Variants in ADPRHL1 observed in about 807,000 individuals in gnomAD.
ADPRHL1 encodes the protein ADP-ribosylhydrolase like 1.
Under a neutral mutation model 44.1 loss-of-function variants are expected in ADPRHL1, and 43 were observed. The observed-to-expected ratio is 0.98, with a 90% CI of 0.76 to 1.26. The LOEUF (loss-of-function observed/expected upper bound fraction) is 1.26, where lower values mean the gene tolerates loss of function less well. Ranked by LOEUF, ADPRHL1 falls within the 50% of genes most tolerant of loss-of-function variation. The pLI, the probability that ADPRHL1 is intolerant of heterozygous loss-of-function variation, is 0.00. For synonymous variants in ADPRHL1, 878 were observed against 1,017.4 expected (o/e 0.86, Z 2.61); for missense variants, 2,022 against 2,496.9 (o/e 0.81, Z 4.05).
chr13:113,420,438 T>C (rs919129011), intron 7 of ADPRHL1, among the ~76,000 whole-genome samples: 2 of 152,140 alleles, frequency 1.3e-5, no homozygotes, highest in Non-Finnish European at 2.9e-5. Flanking sequence ...TTCTCTTCCA[T>C]ACAGCAGGGT....
intron 2 of ADPRHL1, among the ~76,000 whole-genome samples, chr13:113,435,471 G>A (rs2044046683): frequency 9.1e-6 from 1 of 110,020 alleles, no homozygotes; most frequent in Non-Finnish European, 1.8e-5. Context: ...GTGTACCCCG[G>A]GACCCGGCAC....
rs1002986741 is a variant in ADPRHL1, at chr13:113,441,518, C to T, written c.379+2907G>A. On this transcript the variant is annotated intron_variant, in intron 2 of 7. Transcript: ENST00000612156. This position sits in a 1 kb window ranked among gnomAD's most constrained non-coding sequence, Gnocchi z 6.0. Reference sequence around the variant, plus strand: ...CACGGTGTGGGAACCTCACCGTCATCGGCTTCCATCTCTCCCCTGCTAGCC... The same window carrying T: ...CACGGTGTGGGAACCTCACCGTCATTGGCTTCCATCTCTCCCCTGCTAGCC... Among the ~76,000 whole-genome samples the T allele has an allele frequency of 2.6e-5, 4 of 152,154 alleles. No individual in the cohort carries two copies. Among genetic ancestry groups the T allele is most frequent in the African/African-American group, 9.7e-5 (4 of 41,424 alleles).
intron 7 of ADPRHL1, among the ~76,000 whole-genome samples, chr13:113,408,897 GATGGGGCTACTGAAA>G (rs2043829697): frequency 6.6e-6 from 1 of 150,866 alleles, no homozygotes; most frequent in Admixed American, 6.6e-5. Context: ...AGGAGGGAAA[GATGGGGCTACTGAAA>G]GGAGGGGAGG....
intron 7 of ADPRHL1, among the ~76,000 whole-genome samples, chr13:113,421,596 G>A (rs896634374): frequency 5.3e-5 from 8 of 152,176 alleles, no homozygotes; most frequent in Non-Finnish European, 8.8e-5. Context: ...GGGCTGGCCC[G>A]GGAAGCCTGG....
chr13:113,422,226 G>C (rs1741952785), intron 7 of ADPRHL1: 1 of 152,200 alleles, frequency 6.6e-6, no homozygotes, highest in South Asian at 2.1e-4. Context: ...TTTCAAAAAG[G>C]GATTGATCTT....
chr13:113,414,892 T>A (rs2043879498), intron 7 of ADPRHL1, among the ~76,000 whole-genome samples: 1 of 152,020 alleles, frequency 6.6e-6, no homozygotes, highest in Non-Finnish European at 1.5e-5. Context: ...CTAGGCTGGT[T>A]TCGAACTCCT....
rs1289115544 is a variant in ADPRHL1 at position 113,441,119 on chromosome 13, C to T, written c.379+3306G>A. Among the ~76,000 whole-genome samples, 1 of 152,184 alleles carries T rather than the reference C, an allele frequency of 6.6e-6. No individual in the cohort carries two copies. Among genetic ancestry groups the T allele is most frequent in the East Asian group, 1.9e-4 (1 of 5,190 alleles). ...AGTGAGCCAAAATTGCGCCACTGCACTCCAATCTGGGCGACAGAGCAAGAC... is the reference window on the plus strand; with the variant it reads ...AGTGAGCCAAAATTGCGCCACTGCATTCCAATCTGGGCGACAGAGCAAGAC... On this transcript the variant is annotated intron_variant, in intron 2 of 7. Coordinates refer to ENST00000612156, the MANE Select transcript of ADPRHL1 (RefSeq NM_001394807.1). The surrounding 1 kb of genome is among the most constrained non-coding windows in gnomAD (Gnocchi z 6.0).
At chr13:113,417,173 C>T (rs141693304) in intron 7 of ADPRHL1, among the ~76,000 whole-genome samples, 115 of 152,310 alleles carry the variant, frequency 7.6e-4, no homozygotes, top group African/African-American at 2.0e-3. Flanking sequence ...GGCAGGGCCC[C>T]GGGGACTCTG....
chr13:113,407,635 G>C lies in ADPRHL1; in HGVS notation c.1647C>G (p.Ser549=). 1 of 1,232,118 alleles carries C rather than the reference G, an allele frequency of 8.1e-7. No homozygotes were observed. The highest frequency in any genetic ancestry group is 4.1e-5 in the South Asian group (1 of 24,326). 76.3% of individuals were successfully genotyped at this position (1,232,118 alleles called of 1,614,324 possible). Residue 549 remains serine, a synonymous_variant, in exon 8 of 8, where the codon TCC becomes TCG. Transcript: ENST00000612156. ...PKIMGKSSVL[S]KLREKFEQNS... Reference sequence around the variant, plus strand: ...TCTGCTCGAACTTCTCCCGCAGCTTGGACAGCACCGAGCTCTTGCCCATGA... The same window carrying C: ...TCTGCTCGAACTTCTCCCGCAGCTTCGACAGCACCGAGCTCTTGCCCATGA...
In ADPRHL1 at chr13:113,441,587, C is replaced by T. The variant is rs1346153638; in HGVS notation, c.379+2838G>A. Among the ~76,000 whole-genome samples the T allele has an allele frequency of 6.6e-6, 1 of 152,154 alleles. No individual in the cohort carries two copies. Among genetic ancestry groups the T allele is most frequent in the Non-Finnish European group, 1.5e-5 (1 of 68,052 alleles). On this transcript the variant is annotated intron_variant, in intron 2 of 7. Transcript: ENST00000612156. This position sits in a 1 kb window ranked among gnomAD's most constrained non-coding sequence, Gnocchi z 6.0. Reference sequence around the variant, plus strand: ...TACATTCTACTTATATTTTATAAACCATACCGTTCATTATTATTTTTAAGT... The same window carrying T: ...TACATTCTACTTATATTTTATAAACTATACCGTTCATTATTATTTTTAAGT...
At chr13:113,435,828 A>G (rs78787503) in intron 2 of ADPRHL1, among the ~76,000 whole-genome samples, 495 of 69,752 alleles carry the variant, frequency 7.1e-3, no homozygotes, top group East Asian at 0.014. Flanking sequence ...CCAGGTGTAG[A>G]GTGAACATAG....
intron 3 of ADPRHL1, among the ~76,000 whole-genome samples, chr13:113,430,725 GGTGGCA>G (rs2044000773): frequency 1.3e-5 from 2 of 148,284 alleles, no homozygotes; most frequent in South Asian, 2.1e-4. Context: ...TAGTGGCGGG[GGTGGCA>G]GTGGCACCAG....
intron 1 of ADPRHL1, chr13:113,449,004 A>G (rs2044161249): frequency 1.0e-6 from 1 of 986,382 alleles, no homozygotes; most frequent in Non-Finnish European, 1.2e-6. Context: ...CACACCTGCT[A>G]AACGCTTGCC....
rs1471444766 is a variant in ADPRHL1, at chr13:113,401,940, A to C, written c.*1438T>G. On this transcript the variant is annotated 3_prime_UTR_variant, in exon 8 of 8. Coordinates refer to ENST00000612156, the MANE Select transcript of ADPRHL1 (RefSeq NM_001394807.1). The surrounding 1 kb of genome is among the most constrained non-coding windows in gnomAD (Gnocchi z 5.5). ...CGCCCTCTCAGGGCCGACACTGGAA[A>C]ACACCTTCCTCTAAAGGAACATCCG... 6.6e-6 allele frequency: 1 copy of C among 152,252 alleles called. No homozygotes were observed. The highest frequency in any genetic ancestry group is 1.5e-5 in the Non-Finnish European group (1 of 68,054). 9.4% of individuals were successfully genotyped at this position (152,252 alleles called of 1,614,324 possible). A position where few individuals can be genotyped will look rare whatever the true frequency, so the allele number is the denominator to read the frequency against.
Position 113,407,167 on chromosome 13 carries a change from C to G in ADPRHL1, c.2115G>C (p.Leu705=). ...AQRDGHAVPS[L]AFSCAPCTGG... ...CTGTGCAGGGAGCACAAGAGAAGGC[C>G]AGCGAGGGGACAGCGTGGCCGTCCC... The change falls in exon 8 of 8, where the codon CTG becomes CTC. Residue 705 remains leucine (L), a synonymous_variant. Transcript: ENST00000612156. 8.1e-7 allele frequency: 1 copy of G among 1,232,234 alleles called. No homozygotes were observed. Among genetic ancestry groups the G allele is most frequent in the Non-Finnish European group, 1.0e-6 (1 of 988,046 alleles). 76.3% of individuals were successfully genotyped at this position (1,232,234 alleles called of 1,614,324 possible). A position where few individuals can be genotyped will look rare whatever the true frequency, so the allele number is the denominator to read the frequency against.
intron 1 of ADPRHL1, among the ~76,000 whole-genome samples, chr13:113,446,132 C>T (rs373939280): frequency 7.5e-6 from 1 of 133,152 alleles, no homozygotes; most frequent in Non-Finnish European, 1.6e-5. Context: ...GGCCCCCCCT[C>T]CCCCCTCCCC....
chr13:113,409,513 T>C lies in ADPRHL1; in HGVS notation c.1062-1293A>G, dbSNP rs1238462383. On this transcript the variant is annotated intron_variant, in intron 7 of 7. Coordinates refer to ENST00000612156, the MANE Select transcript of ADPRHL1 (RefSeq NM_001394807.1). The surrounding 1 kb of genome is among the most constrained non-coding windows in gnomAD (Gnocchi z 4.2). ...CGGCCGCACAATGGCACGTCCACAT[T>C]TGTGGGAGAAGAGTCGGTGGCCGGA... The C allele has an allele frequency of 9.1e-6, 9 of 985,164 alleles. No homozygotes were observed. Among genetic ancestry groups the C allele is most frequent in the Admixed American group, 6.2e-5 (1 of 16,254 alleles). 61.0% of individuals were successfully genotyped at this position (985,164 alleles called of 1,614,324 possible).
chr13:113,424,435 T>C, intron 5 of ADPRHL1, 86 bp from the exon 6 acceptor site: 2 of 1,551,114 alleles, frequency 1.3e-6, no homozygotes, highest in Admixed American at 3.7e-5. Flanking sequence ...GGGCCCCTCC[T>C]AGTGAACTGC....
At position 113,407,647 on chromosome 13, in the gene ADPRHL1, G is replaced by A. The variant is rs1359941251; in HGVS notation, c.1635C>T (p.Ser545=). ...TCTCCCGCAGCTTGGACAGCACCGA[G>A]CTCTTGCCCATGATCTTCGGCAAGA... ...RGLLPKIMGK[S]SVLSKLREKF... is the part of the protein sequence containing the mutation. The change falls in exon 8 of 8, where the codon AGC becomes AGT. Residue 545 remains serine, a synonymous_variant. Coordinates refer to ENST00000612156, the MANE Select transcript of ADPRHL1 (RefSeq NM_001394807.1). 7 of 1,231,950 alleles carry A rather than the reference G, an allele frequency of 5.7e-6. No homozygotes were observed. The highest frequency in any genetic ancestry group is 7.1e-6 in the Non-Finnish European group (7 of 988,008). The allele number at this position is 1,231,950 out of a possible 1,614,324, so 76.3% of individuals were successfully genotyped here. A position where few individuals can be genotyped will look rare whatever the true frequency, so the allele number is the denominator to read the frequency against.
Sources: allele counts gnomAD v4.1 joint callset (sites outside exome capture counted in the v4.1 genomes callset), GRCh38; gene constraint gnomAD v4.1.1; non-coding constraint Gnocchi (gnomAD v3.1); transcripts MANE v1.5; gene names NCBI Gene and HGNC (gene_info 2026-07-23, HGNC 2026-07-21).